The following TPTE2 variants were observed in gnomAD, a reference collection of about 807,000 sequenced individuals.
TPTE2 encodes phosphatidylinositol 3,4,5-trisphosphate 3-phosphatase TPTE2.
A neutral mutation model predicts 78.6 loss-of-function variants in TPTE2; 53 were observed. The observed-to-expected ratio is 0.67, with a 90% CI of 0.54 to 0.85. TPTE2 has a LOEUF of 0.85. Ranked by LOEUF, TPTE2 falls within the 40% of genes least tolerant of loss-of-function variation. The pLI is 0.00. For synonymous variants in TPTE2, 175 were observed against 206.2 expected (o/e 0.85, Z 1.30); for missense variants, 461 against 623.0 (o/e 0.74, Z 2.77).
At chr13:19,504,357 T>C (rs1282093734), upstream of TPTE2, among the ~76,000 whole-genome samples, 6 of 152,122 alleles carry the variant, frequency 3.9e-5, no homozygotes, top group East Asian at 1.9e-4. Flanking sequence ...TTCACCATCA[T>C]GGGTGTCTTC....
chr13:19,423,010 A>C, exon 20 of TPTE2: 1 of 1,595,862 alleles, frequency 6.3e-7, no homozygotes, highest in East Asian at 2.3e-5. Context: ...CTTTCCCAGA[A>C]GGGGAAGGGG....
At chr13:19,518,136 C>T (rs1016093426) in intron 1 of TPTE2, among the ~76,000 whole-genome samples, 3 of 152,100 alleles carry the variant, frequency 2.0e-5, no homozygotes, top group African/African-American at 7.2e-5. Context: ...TGGGGGGATA[C>T]CTCATTGACT....
intron 1 of TPTE2, among the ~76,000 whole-genome samples, chr13:19,512,675 T>A (rs1233068284): frequency 8.5e-5 from 13 of 152,072 alleles, no homozygotes; most frequent in Admixed American, 3.9e-4. Context: ...GCCTCCTGGA[T>A]TCAAGTGATC....
intron 3 of TPTE2, among the ~76,000 whole-genome samples, chr13:19,487,492 T>G (rs1341286206): frequency 6.6e-6 from 1 of 152,076 alleles, no homozygotes; most frequent in Admixed American, 6.5e-5. Context: ...TAGGGGCCTC[T>G]CCCACTTGGG....
At chr13:19,540,583 T>C (rs2137766296), upstream of TPTE2, among the ~76,000 whole-genome samples, 1 of 152,170 alleles carries the variant, frequency 6.6e-6, no homozygotes, top group East Asian at 1.9e-4. Context: ...GGGATTACAG[T>C]CATGAGCCAC....
chr13:19,468,727 ATC>A (rs1290460642), intron 6 of TPTE2, among the ~76,000 whole-genome samples: 1 of 152,194 alleles, frequency 6.6e-6, no homozygotes, highest in Non-Finnish European at 1.5e-5. Flanking sequence ...GTGAGATGAT[ATC>A]TCATGGTAGT....
the TPTE2 span, among the ~76,000 whole-genome samples, chr13:19,542,049 T>G: frequency 6.6e-6 from 1 of 152,248 alleles, no homozygotes; most frequent in Non-Finnish European, 1.5e-5. Context: ...AACATAGTTT[T>G]GAGTAATTTG....
At chr13:19,469,408 T>C (rs1220217841) in intron 6 of TPTE2, among the ~76,000 whole-genome samples, 1 of 152,184 alleles carries the variant, frequency 6.6e-6, no homozygotes, top group Non-Finnish European at 1.5e-5. Context: ...GCCAGTGCCA[T>C]GGTGTTTTGG....
At chr13:19,555,000 T>C in the TPTE2 span, among the ~76,000 whole-genome samples, 2 of 152,338 alleles carry the variant, frequency 1.3e-5, no homozygotes. Context: ...CCACCATCAT[T>C]AGGATCATCA....
intron 15 of TPTE2, 33 bp downstream of exon 18, chr13:19,436,193 A>T (rs1226341498): frequency 6.4e-7 from 1 of 1,570,370 alleles, no homozygotes; most frequent in Non-Finnish European, 8.7e-7. Flanking sequence ...CCACTCCCCT[A>T]AAAAAACTCC....
upstream of TPTE2, among the ~76,000 whole-genome samples, chr13:19,540,830 A>G (rs539510408): frequency 4.5e-4 from 69 of 152,352 alleles, no homozygotes; most frequent in African/African-American, 1.6e-3. Context: ...TGATTTAACC[A>G]TAGATTCTTT....
At chr13:19,438,375 C>T in intron 13 of TPTE2, 5 of 985,368 alleles carry the variant, frequency 5.1e-6, no homozygotes, top group Non-Finnish European at 6.0e-6. Context: ...ATATCTCTCA[C>T]CATCTCTCCA....
At chr13:19,441,304 A>G (rs2497231) in intron 13 of TPTE2, among the ~76,000 whole-genome samples, 20,211 of 151,890 alleles carry the variant, frequency 0.13, 1,500 homozygotes, top group African/African-American at 0.19. Context: ...TTGAAAAACT[A>G]ACTATTGGGT....
At chr13:19,440,958 G>A (rs1262485555) in intron 13 of TPTE2, among the ~76,000 whole-genome samples, 2 of 148,832 alleles carry the variant, frequency 1.3e-5, no homozygotes, top group African/African-American at 5.2e-5. Context: ...GTGGTGGCAG[G>A]CACTTGTAAT....
the TPTE2 span, among the ~76,000 whole-genome samples, chr13:19,558,215 A>G: frequency 3.3e-5 from 5 of 152,226 alleles, no homozygotes; most frequent in South Asian, 1.0e-3. Context: ...TCCATTTGCA[A>G]AGCTTTTGTA....
intron 15 of TPTE2, among the ~76,000 whole-genome samples, chr13:19,433,082 G>A (rs1219088657): frequency 2.0e-5 from 3 of 152,140 alleles, no homozygotes; most frequent in Non-Finnish European, 4.4e-5. Flanking sequence ...CCTCAATTCT[G>A]TTTTCTCAAG....
chr13:19,498,887 C>T (rs1881570719), intron 1 of TPTE2, among the ~76,000 whole-genome samples: 1 of 152,160 alleles, frequency 6.6e-6, no homozygotes, highest in African/African-American at 2.4e-5. Flanking sequence ...CATCAGTGTG[C>T]TGTATTCAGA....
chr13:19,541,671 G>A (rs1871439645), upstream of TPTE2, among the ~76,000 whole-genome samples: 1 of 152,080 alleles, frequency 6.6e-6, no homozygotes, highest in African/African-American at 2.4e-5. Flanking sequence ...TGGCTGCCAA[G>A]GTTTACCAAA....
At chr13:19,538,760 G>A (rs192272561), upstream of TPTE2, among the ~76,000 whole-genome samples, 399 of 151,958 alleles carry the variant, frequency 2.6e-3, 2 homozygotes, top group African/African-American at 9.2e-3. Flanking sequence ...CAAGTGATCC[G>A]CCCACCTCGA....
Sources: gnomAD v4.1 joint callset for allele counts (sites outside exome capture counted in the v4.1 genomes callset) on GRCh38, gnomAD v4.1.1 for gene constraint, MANE v1.5 for transcripts, NCBI Gene and HGNC (gene_info 2026-07-23, HGNC 2026-07-21) for gene names.